TTI1: variants seen among roughly 807,000 people sequenced by gnomAD.
The protein encoded by TTI1 is TELO2-interacting protein 1 homolog.
In TTI1, 52 loss-of-function variants were observed where a neutral mutation model predicts 85.4. That is an observed-to-expected ratio of 0.61 (90% CI 0.49 to 0.77). The LOEUF (loss-of-function observed/expected upper bound fraction) is 0.77, where lower values mean the gene tolerates loss of function less well. Among genes scored for constraint, TTI1 ranks in the 30% least tolerant of loss-of-function variants. The pLI is 0.00. For synonymous variants in TTI1, 512 were observed against 503.9 expected, an observed-to-expected ratio of 1.02 and a Z score of -0.22; for missense variants, 1,173 against 1,296.0, an observed-to-expected ratio of 0.91 and a Z score of 1.46.
rs769799224 is a variant in TTI1, at chr20:38,025,561, C to G, written c.-42+7843G>C. On this transcript the variant is annotated intron_variant, in intron 1 of 7. Coordinates refer to ENST00000373447, the MANE Select transcript of TTI1 (RefSeq NM_001303457.2). ...TCCAGCCTGGGCAACAAGAGCGACACTCCATCTCAAAAAAAAAAAGAAAAA... is the reference window on the plus strand; with the variant it reads ...TCCAGCCTGGGCAACAAGAGCGACAGTCCATCTCAAAAAAAAAAAGAAAAA... Among the ~76,000 whole-genome samples the G allele has an allele frequency of 2.0e-5, 3 of 150,600 alleles. No homozygotes were observed. The South Asian group carries it at 6.3e-4, about 32-fold the overall frequency.
chr20:38,028,369 G>A (rs980962644), intron 1 of TTI1, among the ~76,000 whole-genome samples: 1 of 152,108 alleles, frequency 6.6e-6, no homozygotes, highest in African/African-American at 2.4e-5. Context: ...AAGGAAAGTA[G>A]AAGTAGCTAT....
At chr20:37,993,960 G>A (rs1349908897) in intron 7 of TTI1, among the ~76,000 whole-genome samples, 1 of 152,214 alleles carries the variant, frequency 6.6e-6, no homozygotes, top group East Asian at 1.9e-4. Context: ...GCCTGGCCTG[G>A]CCTAGTGGTT....
chr20:37,995,346 A>G (rs2073323592), intron 7 of TTI1, among the ~76,000 whole-genome samples: 1 of 152,260 alleles, frequency 6.6e-6, no homozygotes. Flanking sequence ...GTTTCTAAGG[A>G]GCAAGCTGGC....
chr20:38,014,980 T>C (rs945590152), intron 1 of TTI1, among the ~76,000 whole-genome samples: 1 of 152,248 alleles, frequency 6.6e-6, no homozygotes, highest in East Asian at 1.9e-4. Context: ...AATGTCGGCA[T>C]TGGATGGAGG....
At chr20:38,014,455 T>C (rs2073652205) in intron 1 of TTI1, among the ~76,000 whole-genome samples, 1 of 152,196 alleles carries the variant, frequency 6.6e-6, no homozygotes, top group Non-Finnish European at 1.5e-5. Context: ...ACTACAGACA[T>C]GTTTTGCCTG....
At chr20:37,983,667 G>C in intron 7 of TTI1, 28 bp from the exon 8 acceptor site, 1 of 1,480,172 alleles carries the variant, frequency 6.8e-7, no homozygotes, top group Non-Finnish European at 9.0e-7. Context: ...GGAGTGAGTA[G>C]AGGGTACAGA....
intron 2 of TTI1, among the ~76,000 whole-genome samples, chr20:38,006,841 T>G (rs2073508091): frequency 6.6e-6 from 1 of 152,244 alleles, no homozygotes; most frequent in African/African-American, 2.4e-5. Flanking sequence ...TGTGTACTAT[T>G]CAGTGTCTGA....
chr20:38,033,352 T>G (rs894344025), intron 1 of TTI1, 52 bp downstream of exon 1: 2 of 153,632 alleles, frequency 1.3e-5, no homozygotes, highest in Non-Finnish European at 2.9e-5. Flanking sequence ...GATACCCCTC[T>G]ACAGGGTCCC....
At position 38,020,329 on chromosome 20, in the gene TTI1, T is replaced by C. The variant is rs865989673; in HGVS notation, c.-41-6472A>G. ...TCATATGAAAAAAAAAAAAAATATA[T>C]ATATATATATATATATATATATATG... On this transcript the variant is annotated intron_variant, in intron 1 of 7. Coordinates refer to ENST00000373447, the MANE Select transcript of TTI1 (RefSeq NM_001303457.2). Among the ~76,000 whole-genome samples, 3 of 77,824 alleles carry C rather than the reference T, an allele frequency of 3.9e-5. No individual in the cohort carries two copies. The South Asian group carries it at 1.4e-3, about 35-fold the overall frequency. The allele number at this position is 77,824 out of a possible 152,430, so 51.1% of individuals were successfully genotyped here.
chr20:38,033,039 A>C (rs1235811400), intron 1 of TTI1, among the ~76,000 whole-genome samples: 1 of 152,218 alleles, frequency 6.6e-6, no homozygotes, highest in African/African-American at 2.4e-5. Flanking sequence ...TGTGTGTTTC[A>C]TGACGGCGCT....
At chr20:37,996,976 G>C (rs1298696919) in intron 5 of TTI1, 23 bp from the exon 6 acceptor site, 3 of 1,607,226 alleles carry the variant, frequency 1.9e-6, no homozygotes, top group South Asian at 1.1e-5. Context: ...CCTCCAACCT[G>C]GTGAGTGAAC....
At chr20:37,990,133 T>G (rs983095838) in intron 7 of TTI1, among the ~76,000 whole-genome samples, 3 of 152,226 alleles carry the variant, frequency 2.0e-5, no homozygotes, top group Non-Finnish European at 4.4e-5. Context: ...GCTCTAACTG[T>G]ATTGTCTATA....
chr20:38,008,845 G>A (rs921699663), intron 2 of TTI1, among the ~76,000 whole-genome samples: 1 of 152,202 alleles, frequency 6.6e-6, no homozygotes. Context: ...TTCAAAAAGT[G>A]AGTGTATTCT....
chr20:38,018,573 A>G (rs551432973), intron 1 of TTI1, among the ~76,000 whole-genome samples: 1 of 152,306 alleles, frequency 6.6e-6, no homozygotes, highest in South Asian at 2.1e-4. Context: ...ATCAACCCAC[A>G]GATTTAAGAA....
intron 7 of TTI1, among the ~76,000 whole-genome samples, chr20:37,990,731 G>A (rs1826409089): frequency 6.6e-6 from 1 of 152,178 alleles, no homozygotes; most frequent in Admixed American, 6.5e-5. Context: ...CACAGCCTCT[G>A]ATGACCAAAA....
At chr20:37,997,677 T>C (rs572345861) in intron 5 of TTI1, among the ~76,000 whole-genome samples, 9 of 152,206 alleles carry the variant, frequency 5.9e-5, no homozygotes, top group Admixed American at 1.3e-4. Flanking sequence ...ACCAGCACAG[T>C]GTTTGCTCAT....
chr20:38,001,918 AT>A (rs2073431324), intron 4 of TTI1, among the ~76,000 whole-genome samples: 1 of 152,152 alleles, frequency 6.6e-6, no homozygotes, highest in African/African-American at 2.4e-5. Flanking sequence ...GGGTTTCTCC[AT>A]GTTGGTAAGG....
At position 37,988,952 on chromosome 20, in the gene TTI1, T is replaced by C. The variant is rs2073227400; in HGVS notation, c.3087-5313A>G. On this transcript the variant is annotated intron_variant, in intron 7 of 7. Coordinates refer to ENST00000373447, the MANE Select transcript of TTI1 (RefSeq NM_001303457.2). ...GGCTGTGTGTTTCCTTTTAAACAAA[T>C]GGATGCTCAGGGTGTTGATGCGTCC... 2.0e-5 allele frequency among the ~76,000 whole-genome samples: 3 copies of C among 152,188 alleles called. No homozygotes were observed. In the South Asian group the frequency reaches 6.2e-4, roughly 31 times the overall value.
In TTI1 at chr20:38,013,258, A is replaced by C. The variant is rs761419218; in HGVS notation, c.559T>G (p.Cys187Gly). Residue 187 changes from cysteine (C) to glycine (G), a missense_variant, in exon 2 of 8, where the codon TGT (cysteine) becomes GGT (glycine). Coordinates refer to ENST00000373447, the MANE Select transcript of TTI1 (RefSeq NM_001303457.2). ...CLQVLLLQCD[C>G]QDHPRSLDEL... is the part of the protein sequence containing the mutation. ...TCCAATGACCTTGGATGGTCCTGACAATCACACTGCAAGAGTAGAACCTGT... is the reference window on the plus strand; with the variant it reads ...TCCAATGACCTTGGATGGTCCTGACCATCACACTGCAAGAGTAGAACCTGT... 6.2e-7 allele frequency: 1 copy of C among 1,614,096 alleles called. No individual in the cohort carries two copies. Among genetic ancestry groups the C allele is most frequent in the East Asian group, 2.2e-5 (1 of 44,890 alleles).
Sources: gnomAD v4.1 joint callset for allele counts (sites outside exome capture counted in the v4.1 genomes callset) on GRCh38, gnomAD v4.1.1 for gene constraint, MANE v1.5 for transcripts, NCBI Gene and HGNC (gene_info 2026-07-23, HGNC 2026-07-21) for gene names.